The following TENM3 variants were observed in gnomAD, a reference collection of about 807,000 sequenced individuals.
The protein encoded by TENM3 is teneurin transmembrane protein 3.
In TENM3, 63 loss-of-function variants were observed where a neutral mutation model predicts 255.1. That is an observed-to-expected ratio of 0.25 (90% CI 0.20 to 0.30). TENM3 has a LOEUF of 0.30. Ranked by LOEUF, TENM3 falls within the 10% of genes least tolerant of loss-of-function variation. The pLI is 1.00. For synonymous variants in TENM3, 1,306 were observed against 1,322.3 expected (o/e 0.99, Z 0.27); for missense variants, 2,929 against 3,461.1 (o/e 0.85, Z 3.86).
At chr4:181,453,277 T>C in the TENM3 span, among the ~76,000 whole-genome samples, 2 of 152,100 alleles carry the variant, frequency 1.3e-5, no homozygotes, top group Non-Finnish European at 2.9e-5. Context: ...AGTCGAATAA[T>C]AGGCTTAGTG....
At chr4:181,481,125 AG>A in the TENM3 span, among the ~76,000 whole-genome samples, 58 of 94,930 alleles carry the variant, frequency 6.1e-4, no homozygotes, top group East Asian at 9.0e-3. Context: ...GAGTTTTATA[AG>A]AAAAAAACCT....
chr4:182,253,880 T>G (rs1439797008), intron 1 of TENM3, among the ~76,000 whole-genome samples: 1 of 152,178 alleles, frequency 6.6e-6, no homozygotes, highest in Non-Finnish European at 1.5e-5. Context: ...AAATACAGTT[T>G]ACAGCAAAAA....
chr4:182,029,111 C>T, the TENM3 span, among the ~76,000 whole-genome samples: 4 of 152,096 alleles, frequency 2.6e-5, no homozygotes, highest in Non-Finnish European at 5.9e-5. Flanking sequence ...GCATCAGCTT[C>T]TGCAGAGAAC....
the TENM3 span, among the ~76,000 whole-genome samples, chr4:181,970,740 C>T: frequency 5.9e-5 from 9 of 152,140 alleles, no homozygotes; most frequent in African/African-American, 1.2e-4. Flanking sequence ...CTGCTGCTGG[C>T]GGCTCAAACA....
intron 1 of TENM3, among the ~76,000 whole-genome samples, chr4:182,305,276 C>T (rs982311449): frequency 6.6e-6 from 1 of 152,100 alleles, no homozygotes; most frequent in Non-Finnish European, 1.5e-5. Context: ...TGAAGGCCAG[C>T]AAGTAAGACA....
At chr4:181,905,929 C>A in the TENM3 span, 1 of 570,814 alleles carries the variant, frequency 1.8e-6, no homozygotes, top group Non-Finnish European at 3.3e-6. Context: ...TGACATTGCT[C>A]CAACTTCGGT....
the TENM3 span, among the ~76,000 whole-genome samples, chr4:181,732,957 G>A: frequency 6.6e-6 from 1 of 152,220 alleles, no homozygotes; most frequent in Non-Finnish European, 1.5e-5. Flanking sequence ...AAGACCCGTT[G>A]TTGCTTTATC....
chr4:181,719,078 C>T, the TENM3 span, among the ~76,000 whole-genome samples: 5 of 151,262 alleles, frequency 3.3e-5, no homozygotes, highest in South Asian at 2.1e-4. Context: ...CGGTGGCGGG[C>T]GCCTGTAGTC....
intron 1 of TENM3, among the ~76,000 whole-genome samples, chr4:182,201,608 TGGGGGCAGCGGCTGGCCAGC>T (rs903379970): frequency 2.3e-5 from 3 of 131,844 alleles, no homozygotes; most frequent in Non-Finnish European, 4.9e-5. Flanking sequence ...GATCCAGGGG[TGGGGGCAGCGGCTGGCCAGC>T]AGGAGCAGCG....
At chr4:181,695,233 A>T in the TENM3 span, among the ~76,000 whole-genome samples, 3 of 152,132 alleles carry the variant, frequency 2.0e-5, no homozygotes, top group Non-Finnish European at 2.9e-5. Flanking sequence ...TCTTGGAAGG[A>T]CACATAGCTA....
chr4:181,510,518 A>C, the TENM3 span, among the ~76,000 whole-genome samples: 1 of 152,202 alleles, frequency 6.6e-6, no homozygotes, highest in African/African-American at 2.4e-5. Flanking sequence ...AAACCTACTA[A>C]AGATAGATAA....
chr4:181,720,076 A>G, the TENM3 span, among the ~76,000 whole-genome samples: 1 of 152,242 alleles, frequency 6.6e-6, no homozygotes. Context: ...GCTGGATCAT[A>G]TATGTATCTA....
chr4:181,965,215 AAAT>A, the TENM3 span, among the ~76,000 whole-genome samples: 1 of 152,236 alleles, frequency 6.6e-6, no homozygotes, highest in African/African-American at 2.4e-5. Flanking sequence ...TATTTTAAAA[AAAT>A]AATAATAACA....
intron 7 of TENM3, among the ~76,000 whole-genome samples, chr4:182,674,619 A>G (rs1193919337): frequency 6.6e-6 from 1 of 152,188 alleles, no homozygotes; most frequent in African/African-American, 2.4e-5. Flanking sequence ...TCCGTCTTCC[A>G]GGCTGGAGTG....
At chr4:181,907,495 G>A in the TENM3 span, among the ~76,000 whole-genome samples, 1 of 152,284 alleles carries the variant, frequency 6.6e-6, no homozygotes, top group Non-Finnish European at 1.5e-5. Context: ...TGCAGGCCAG[G>A]ACACAGAGGC....
the TENM3 span, among the ~76,000 whole-genome samples, chr4:181,555,655 G>T: frequency 6.6e-6 from 1 of 152,032 alleles, no homozygotes; most frequent in Non-Finnish European, 1.5e-5. Flanking sequence ...TCAAGTTTAG[G>T]TTGCAGTCCA....
At chr4:182,310,500 A>G (rs1358084005) in intron 1 of TENM3, among the ~76,000 whole-genome samples, 2 of 152,150 alleles carry the variant, frequency 1.3e-5, no homozygotes, top group Admixed American at 6.5e-5. Context: ...AGCAACTCTA[A>G]TGAAAAGAGT....
chr4:182,218,778 A>G (rs933255636), intron 1 of TENM3, among the ~76,000 whole-genome samples: 7 of 152,232 alleles, frequency 4.6e-5, no homozygotes, highest in Non-Finnish European at 1.5e-5. Flanking sequence ...ATTCGCAAAC[A>G]TAATGTATAA....
chr4:182,143,392 A>G, upstream of TENM3: 1 of 166,978 alleles, frequency 6.0e-6, no homozygotes. This position sits in a 1 kb window ranked among gnomAD's most constrained non-coding sequence, Gnocchi z 4.3. Flanking sequence ...GTGGAAAGGA[A>G]GGCGCGGGTC....
Sources: allele counts gnomAD v4.1 joint callset (sites outside exome capture counted in the v4.1 genomes callset), GRCh38; gene constraint gnomAD v4.1.1; non-coding constraint Gnocchi (gnomAD v3.1); transcripts MANE v1.5; gene names NCBI Gene and HGNC (gene_info 2026-07-23, HGNC 2026-07-21).